The following APCS variants were observed in gnomAD, a reference collection of about 807,000 sequenced individuals.
The protein encoded by APCS is amyloid P component, serum, also known as serum amyloid P-component.
Under a neutral mutation model 2.5 loss-of-function variants are expected in APCS, and 2 were observed. The observed-to-expected ratio is 0.80, with a 90% CI of 0.33 to 2.53. APCS has a LOEUF of 2.53. Among genes scored for constraint, APCS ranks in the 30% most tolerant of loss-of-function variants. APCS has a pLI of 0.11. For synonymous variants in APCS, 109 were observed against 102.5 expected (o/e 1.06, Z -0.39); for missense variants, 302 against 258.9 (o/e 1.17, Z -1.14).
Position 159,588,699 on chromosome 1 carries a change from G to A in APCS, c.663G>A (p.Val221=). Residue 221 remains valine, a synonymous_variant, in exon 2 of 2, where the codon GTG becomes GTA. Coordinates refer to ENST00000255040, the MANE Select transcript of APCS (RefSeq NM_001639.4). ...IRGYVIIKPL[V]WV ...GATATGTCATCATCAAACCCTTGGTGTGGGTCTGAGGTCTTGACTCAACGA... is the reference window on the plus strand; with the variant it reads ...GATATGTCATCATCAAACCCTTGGTATGGGTCTGAGGTCTTGACTCAACGA... 1.2e-6 allele frequency: 2 copies of A among 1,611,710 alleles called. No individual in the cohort carries two copies. The highest frequency in any genetic ancestry group is 1.7e-6 in the Non-Finnish European group (2 of 1,178,472).
At position 159,588,110 on chromosome 1, in the gene APCS, G is replaced by C; in HGVS notation, c.74G>C (p.Gly25Ala). The C allele has an allele frequency of 6.2e-7, 1 of 1,613,516 alleles. No homozygotes were observed. The highest frequency in any genetic ancestry group is 8.5e-7 in the Non-Finnish European group (1 of 1,179,564). ...LEAFAHTDLS[G>A]KVFVFPRESV... ...TTTCTTTATCCCGCAGACCTCAGTG[G>C]GAAGGTGTTTGTATTTCCTAGAGAA... The change falls in exon 2 of 2, where the codon GGG (glycine) becomes GCG (alanine). Residue 25 changes from glycine (G) to alanine (A), a missense_variant. Physicochemically the swap from Gly to Ala is moderately conservative, Grantham distance 60 (BLOSUM62 0). Coordinates refer to ENST00000255040, the MANE Select transcript of APCS (RefSeq NM_001639.4).
rs765118018 is a variant in APCS at position 159,588,353 on chromosome 1, A to G, written c.317A>G (p.Lys106Arg). ...AAAGTTACATCCAAAGTTATCGAAA[A>G]GTTCCCGGCTCCAGTGCACATCTGT... The part of the protein sequence containing the change: ...RHKVTSKVIE[K>R]FPAPVHICVS... The change falls in exon 2 of 2, where the codon AAG becomes AGG. Residue 106 changes from lysine (K) to arginine (R), a missense_variant. By Grantham distance (26) the Lys-to-Arg change is conservative. Coordinates refer to ENST00000255040, the MANE Select transcript of APCS (RefSeq NM_001639.4). 4.3e-6 allele frequency: 7 copies of G among 1,614,168 alleles called. No homozygotes were observed. The highest frequency in any genetic ancestry group is 5.9e-6 in the Non-Finnish European group (7 of 1,180,032).
rs200567682 is a variant in APCS at position 159,587,904 on chromosome 1, C to T, written c.-18C>T. 5 of 1,612,942 alleles carry T rather than the reference C, an allele frequency of 3.1e-6. No homozygotes were observed. Among genetic ancestry groups the T allele is most frequent in the Non-Finnish European group, 4.2e-6 (5 of 1,179,520 alleles). On this transcript the variant is annotated 5_prime_UTR_variant, in exon 1 of 2. Transcript: ENST00000255040. ...ATCCTGGTCACTGCTTCTGCTATAA[C>T]AGCCCTAGGCCAGGAATATGAACAA...
Position 159,588,207 on chromosome 1 carries a change from A to G in APCS, c.171A>G (p.Arg57=). ...KPLQNFTLCF[R]AYSDLSRAYS... ...TACAGAACTTTACCTTGTGTTTTCG[A>G]GCCTATAGTGATCTCTCTCGTGCCT... The change falls in exon 2 of 2, where the codon CGA becomes CGG. Residue 57 remains arginine (R), a synonymous_variant. Coordinates refer to ENST00000255040, the MANE Select transcript of APCS (RefSeq NM_001639.4). 6.2e-7 allele frequency: 1 copy of G among 1,614,128 alleles called. No homozygotes were observed. The highest frequency in any genetic ancestry group is 2.2e-5 in the East Asian group (1 of 44,878).
At position 159,588,345 on chromosome 1, in the gene APCS, T is replaced by G. The variant is rs1272378259; in HGVS notation, c.309T>G (p.Val103=). 1 of 1,614,156 alleles carries G rather than the reference T, an allele frequency of 6.2e-7. No homozygotes were observed. The highest frequency in any genetic ancestry group is 2.2e-5 in the East Asian group (1 of 44,878). Reference sequence around the variant, plus strand: ...GAAGACACAAAGTTACATCCAAAGTTATCGAAAAGTTCCCGGCTCCAGTGC... The same window carrying G: ...GAAGACACAAAGTTACATCCAAAGTGATCGAAAAGTTCCCGGCTCCAGTGC... The part of the protein sequence containing the change: ...YIGRHKVTSK[V]IEKFPAPVHI... The change falls in exon 2 of 2, where the codon GTT becomes GTG. Residue 103 remains valine, a synonymous_variant. Coordinates refer to ENST00000255040, the MANE Select transcript of APCS (RefSeq NM_001639.4).
Sources: gnomAD v4.1 joint callset for allele counts on GRCh38, gnomAD v4.1.1 for gene constraint, MANE v1.5 for transcripts, NCBI Gene and HGNC (gene_info 2026-07-23, HGNC 2026-07-21) for gene names.